The following DGKB variants were observed in gnomAD, a reference collection of about 807,000 sequenced individuals.
DGKB encodes the protein 90 kDa diacylglycerol kinase.
Under a neutral mutation model 114.3 loss-of-function variants are expected in DGKB, and 67 were observed. The observed-to-expected ratio is 0.59, with a 90% CI of 0.48 to 0.72. The LOEUF (loss-of-function observed/expected upper bound fraction) is 0.72. Among genes scored for constraint, DGKB ranks in the 30% least tolerant of loss-of-function variants. The pLI, the probability that DGKB is intolerant of heterozygous loss-of-function variation, is 0.00. For synonymous variants in DGKB, 398 were observed against 323.1 expected, an observed-to-expected ratio of 1.23 and a Z score of -2.49; for missense variants, 907 against 975.2, an observed-to-expected ratio of 0.93 and a Z score of 0.93.
intron 3 of DGKB, among the ~76,000 whole-genome samples, chr7:14,754,994 C>CTG (rs1237173618): frequency 6.6e-6 from 1 of 152,176 alleles, no homozygotes; most frequent in Non-Finnish European, 1.5e-5. Flanking sequence ...GTTGTGGTTA[C>CTG]TGTCACAAGC....
intron 20 of DGKB, among the ~76,000 whole-genome samples, chr7:14,543,730 C>T (rs1419932609): frequency 6.6e-6 from 1 of 152,076 alleles, no homozygotes; most frequent in African/African-American, 2.4e-5. Context: ...AAATAATAGC[C>T]AGAAATTTTG....
intron 23 of DGKB, among the ~76,000 whole-genome samples, chr7:14,296,972 C>T (rs1483144985): frequency 6.6e-6 from 1 of 152,010 alleles, no homozygotes; most frequent in Admixed American, 6.6e-5. Context: ...TGGATAAATT[C>T]CTGGACACAT....
intron 1 of DGKB, among the ~76,000 whole-genome samples, chr7:14,878,778 A>T (rs1853755739): frequency 6.6e-6 from 1 of 151,716 alleles, no homozygotes; most frequent in Admixed American, 6.6e-5. Context: ...ACAAAAAAAA[A>T]AAACCAAAGA....
At chr7:14,661,083 C>G (rs1233984236) in intron 13 of DGKB, among the ~76,000 whole-genome samples, 1 of 151,612 alleles carries the variant, frequency 6.6e-6, no homozygotes, top group African/African-American at 2.4e-5. Context: ...AAATGTTAGA[C>G]CTAAAACCAC....
At chr7:14,656,992 A>G (rs1815966054) in intron 13 of DGKB, among the ~76,000 whole-genome samples, 1 of 151,710 alleles carries the variant, frequency 6.6e-6, no homozygotes. Flanking sequence ...CACACAGCCA[A>G]TCTGAGACAA....
chr7:14,894,982 C>T (rs926676246), intron 1 of DGKB, among the ~76,000 whole-genome samples: 1 of 151,490 alleles, frequency 6.6e-6, no homozygotes, highest in Admixed American at 6.6e-5. Context: ...TCCTAGTGAT[C>T]AGAATTCTCA....
In DGKB at chr7:14,850,513, G is replaced by T. The variant is rs534560951; in HGVS notation, c.-187-9063C>A. Among the ~76,000 whole-genome samples the T allele has an allele frequency of 5.3e-4, 81 of 152,232 alleles. 1 individual carries two copies. The highest frequency in any genetic ancestry group is 4.2e-4 in the South Asian group (2 of 4,814). On this transcript the variant is annotated intron_variant, in intron 1 of 25. Coordinates refer to ENST00000402815, the MANE Select transcript of DGKB (RefSeq NM_001350709.2). ...TGTGAGGGCCAAAATTAATCTTAAG[G>T]ATGGATACAGATGCAAGTAGTTTTG...
chr7:14,310,446 A>G (rs757041582), intron 23 of DGKB, among the ~76,000 whole-genome samples: 3 of 152,222 alleles, frequency 2.0e-5, no homozygotes, highest in Admixed American at 6.5e-5. Flanking sequence ...GGAGTCTAAA[A>G]TTTAGAAAAC....
upstream of DGKB, among the ~76,000 whole-genome samples, chr7:14,907,597 G>C (rs1055884572): frequency 1.3e-5 from 2 of 152,136 alleles, no homozygotes; most frequent in Admixed American, 1.3e-4. Context: ...TTCCATAACT[G>C]TGTGCCCTGT....
chr7:14,733,854 GAAGGAAGA>G (rs1469790904), intron 5 of DGKB, among the ~76,000 whole-genome samples: 1 of 151,842 alleles, frequency 6.6e-6, no homozygotes, highest in African/African-American at 2.4e-5. Context: ...AGGAAAGAAG[GAAGGAAGA>G]AAGGAAGGGA....
At chr7:14,791,037 C>G (rs983183945) in intron 2 of DGKB, among the ~76,000 whole-genome samples, 3 of 151,912 alleles carry the variant, frequency 2.0e-5, no homozygotes, top group Admixed American at 2.0e-4. Flanking sequence ...CACTATGTTG[C>G]CCAAGCTGGT....
At position 14,516,532 on chromosome 7, in the gene DGKB, T is replaced by A. The variant is rs1467265130; in HGVS notation, c.1771-38307A>T. ...CAGAGGCACACTGAAGAAGAGCCCA[T>A]CCTCTCTCAAGGGAAATCTGGTGCC... is the stretch of plus-strand genomic sequence containing the variant. On this transcript the variant is annotated intron_variant, in intron 20 of 25. Transcript: ENST00000402815. 3.3e-5 allele frequency among the ~76,000 whole-genome samples: 5 copies of A among 152,140 alleles called. No homozygotes were observed. The East Asian group carries it at 9.6e-4, about 29-fold the overall frequency.
In DGKB at chr7:14,570,419, G is replaced by A. The variant is rs1039765878; in HGVS notation, c.1770+3793C>T. Reference sequence around the variant, plus strand: ...CAATTGACCCCTGAACAACATGGGAGTTAGGGGTGCTGACCACTCTTGCAG... The same window carrying A: ...CAATTGACCCCTGAACAACATGGGAATTAGGGGTGCTGACCACTCTTGCAG... On this transcript the variant is annotated intron_variant, in intron 20 of 25. Transcript: ENST00000402815. 9.2e-5 allele frequency among the ~76,000 whole-genome samples: 14 copies of A among 152,144 alleles called. No individual in the cohort carries two copies. In the South Asian group the frequency reaches 2.3e-3, roughly 25 times the overall value.
chr7:14,878,737 A>T (rs1329303277), intron 1 of DGKB, among the ~76,000 whole-genome samples: 1 of 145,798 alleles, frequency 6.9e-6, no homozygotes, highest in Non-Finnish European at 1.5e-5. Context: ...CAACAGCGTG[A>T]GACTCCGTCT....
chr7:14,297,867 C>T (rs759783311), intron 23 of DGKB, among the ~76,000 whole-genome samples: 1 of 152,124 alleles, frequency 6.6e-6, no homozygotes, highest in East Asian at 1.9e-4. Flanking sequence ...TCTCAGGATA[C>T]AAAATCAATG....
intron 23 of DGKB, among the ~76,000 whole-genome samples, chr7:14,268,208 G>A (rs1274433078): frequency 9.1e-6 from 1 of 109,830 alleles, no homozygotes; most frequent in Non-Finnish European, 2.1e-5. Flanking sequence ...CATAGTCACT[G>A]TACCACACAC....
intron 4 of DGKB, among the ~76,000 whole-genome samples, chr7:14,743,354 T>C (rs1282818493): frequency 6.6e-6 from 1 of 152,194 alleles, no homozygotes. Context: ...AAGTCCTTCC[T>C]CTTGATGAGT....
chr7:14,791,326 A>G (rs1840635941), intron 2 of DGKB, among the ~76,000 whole-genome samples: 1 of 152,100 alleles, frequency 6.6e-6, no homozygotes, highest in Non-Finnish European at 1.5e-5. Context: ...GTTTTTGGAG[A>G]TTGCTGGAGG....
chr7:14,438,611 G>A (rs558219253), intron 21 of DGKB, among the ~76,000 whole-genome samples: 1 of 152,176 alleles, frequency 6.6e-6, no homozygotes, highest in African/African-American at 2.4e-5. Flanking sequence ...GAGCGTGGGT[G>A]AGATTTCAAT....
Sources: allele counts gnomAD v4.1 joint callset (sites outside exome capture counted in the v4.1 genomes callset), GRCh38; gene constraint gnomAD v4.1.1; transcripts MANE v1.5; gene names NCBI Gene and HGNC (gene_info 2026-07-23, HGNC 2026-07-21).